The following NPFFR2 variants were observed in gnomAD, a reference collection of about 807,000 sequenced individuals.
NPFFR2 encodes the protein neuropeptide FF receptor 2, also known as G-protein coupled receptor 74.
Under a neutral mutation model 13.1 loss-of-function variants are expected in NPFFR2, and 15 were observed. The observed-to-expected ratio is 1.15, with a 90% CI of 0.77 to 1.76. The LOEUF (loss-of-function observed/expected upper bound fraction) is 1.76, where lower values mean the gene tolerates loss of function less well. Among genes scored for constraint, NPFFR2 ranks in the 40% most tolerant of loss-of-function variants. NPFFR2 has a pLI of 0.00. For missense variants in NPFFR2, 572 were observed against 503.5 expected (o/e 1.14, Z -1.30); for synonymous variants, 190 against 175.7 (o/e 1.08, Z -0.65).
chr4:72,138,661 T>C (rs1301890768), intron 3 of NPFFR2, among the ~76,000 whole-genome samples: 1 of 152,204 alleles, frequency 6.6e-6, no homozygotes. Flanking sequence ...CAGTATATCA[T>C]TGAAGGATAT....
intron 1 of NPFFR2, among the ~76,000 whole-genome samples, chr4:72,046,290 T>C (rs912480971): frequency 1.3e-5 from 2 of 152,166 alleles, no homozygotes; most frequent in Non-Finnish European, 2.9e-5. Context: ...TATTGCAAAC[T>C]GGGGACTTTA....
intron 1 of NPFFR2, 116 bp from the exon 2 acceptor site, chr4:72,128,469 G>A: frequency 1.6e-6 from 1 of 622,520 alleles, no homozygotes; most frequent in Non-Finnish European, 2.8e-6. Flanking sequence ...GATTATTATA[G>A]AAAGACCACA....
intron 1 of NPFFR2, among the ~76,000 whole-genome samples, chr4:72,108,158 G>A (rs1032196325): frequency 1.3e-5 from 2 of 151,760 alleles, no homozygotes; most frequent in Non-Finnish European, 2.9e-5. Flanking sequence ...GCAGAGTGAG[G>A]GTTCAGTCTA....
intron 1 of NPFFR2, among the ~76,000 whole-genome samples, chr4:72,122,398 A>C (rs539068957): frequency 1.3e-5 from 2 of 152,268 alleles, no homozygotes; most frequent in South Asian, 2.1e-4. Context: ...TGGACCAAGC[A>C]GACCTAACAG....
chr4:72,104,368 T>A (rs565565374), intron 1 of NPFFR2, among the ~76,000 whole-genome samples: 48 of 152,182 alleles, frequency 3.2e-4, no homozygotes, highest in African/African-American at 1.1e-3. Flanking sequence ...CTCAATTTCT[T>A]GAAGCTGCCA....
At chr4:72,055,990 A>T (rs1719733147) in intron 1 of NPFFR2, among the ~76,000 whole-genome samples, 1 of 151,994 alleles carries the variant, frequency 6.6e-6, no homozygotes, top group Admixed American at 6.6e-5. Context: ...TCCGTGCCAT[A>T]AAAGTCAAAG....
intron 1 of NPFFR2, among the ~76,000 whole-genome samples, chr4:72,097,726 C>A (rs996531597): frequency 1.3e-5 from 2 of 152,068 alleles, no homozygotes; most frequent in Non-Finnish European, 2.9e-5. Flanking sequence ...TGAAAGAGAC[C>A]ACCATACTTC....
At chr4:72,102,942 G>A (rs372256811) in intron 1 of NPFFR2, among the ~76,000 whole-genome samples, 2,712 of 151,606 alleles carry the variant, frequency 0.018, 101 homozygotes, top group African/African-American at 0.062. Flanking sequence ...CTGAGGAATC[G>A]CCACACTGAG....
At chr4:72,117,336 T>C (rs567545834) in intron 1 of NPFFR2, among the ~76,000 whole-genome samples, 1 of 152,328 alleles carries the variant, frequency 6.6e-6, no homozygotes, top group East Asian at 1.9e-4. Context: ...AATTTCTGCT[T>C]TTGATGCTTT....
chr4:72,058,033 A>C (rs1719803907), intron 1 of NPFFR2, among the ~76,000 whole-genome samples: 1 of 152,012 alleles, frequency 6.6e-6, no homozygotes, highest in Non-Finnish European at 1.5e-5. Context: ...GGCTAGTTAA[A>C]AATTGTACTA....
intron 1 of NPFFR2, among the ~76,000 whole-genome samples, chr4:72,103,013 C>T (rs922614150): frequency 2.0e-5 from 3 of 152,138 alleles, no homozygotes; most frequent in Admixed American, 6.6e-5. Flanking sequence ...TCCTATTTCT[C>T]CACATCCTCT....
chr4:72,127,392 C>A (rs2109833261), intron 1 of NPFFR2, among the ~76,000 whole-genome samples: 3 of 74,820 alleles, frequency 4.0e-5, no homozygotes, highest in Non-Finnish European at 6.6e-5. Context: ...GAGACGGAGT[C>A]TCGCTCTGTC....
At chr4:72,090,076 G>C (rs1208349897) in intron 1 of NPFFR2, among the ~76,000 whole-genome samples, 1 of 152,066 alleles carries the variant, frequency 6.6e-6, no homozygotes, top group Non-Finnish European at 1.5e-5. Context: ...TTGTTGAATA[G>C]GGTGTCCTTT....
intron 1 of NPFFR2, among the ~76,000 whole-genome samples, chr4:72,127,426 C>T (rs944412360): frequency 9.4e-5 from 10 of 106,584 alleles, no homozygotes; most frequent in South Asian, 7.8e-4. Flanking sequence ...TGCAGTGGCG[C>T]GATCTCGGCT....
chr4:72,110,448 C>G (rs575278293), intron 1 of NPFFR2, among the ~76,000 whole-genome samples: 1 of 152,066 alleles, frequency 6.6e-6, no homozygotes, highest in East Asian at 1.9e-4. Flanking sequence ...CTTCTGTGTA[C>G]TTGCCCACTT....
At chr4:72,119,707 G>A (rs1410754523) in intron 1 of NPFFR2, among the ~76,000 whole-genome samples, 2 of 152,188 alleles carry the variant, frequency 1.3e-5, no homozygotes, top group Non-Finnish European at 2.9e-5. Context: ...GCCAAGGGAA[G>A]CCCTGAGAGA....
chr4:72,069,070 C>T (rs996783025), intron 1 of NPFFR2: 2 of 616,816 alleles, frequency 3.2e-6, no homozygotes, highest in East Asian at 6.8e-5. Context: ...GAGATAATAC[C>T]AACACTACTT....
chr4:72,035,363 G>A (rs1578413528), intron 1 of NPFFR2, among the ~76,000 whole-genome samples: 1 of 152,244 alleles, frequency 6.6e-6, no homozygotes, highest in East Asian at 1.9e-4. Flanking sequence ...CCTAAAAGCA[G>A]AGGAGTCTAT....
chr4:72,079,968 T>G (rs915095396), intron 1 of NPFFR2, among the ~76,000 whole-genome samples: 3 of 152,220 alleles, frequency 2.0e-5, no homozygotes, highest in Non-Finnish European at 4.4e-5. Flanking sequence ...CCTCTTCCCT[T>G]CTGAGAGAGG....
Sources: allele counts gnomAD v4.1 joint callset (sites outside exome capture counted in the v4.1 genomes callset), GRCh38; gene constraint gnomAD v4.1.1; transcripts MANE v1.5; gene names NCBI Gene and HGNC (gene_info 2026-07-23, HGNC 2026-07-21).